BRD4: variants seen among roughly 807,000 people sequenced by gnomAD.
BRD4 encodes the protein bromodomain-containing protein 4.
In BRD4, 16 loss-of-function variants were observed where a neutral mutation model predicts 142.1. The observed-to-expected ratio is 0.11, with a 90% CI of 0.08 to 0.17. The LOEUF is 0.17. Among genes scored for constraint, BRD4 ranks in the 10% least tolerant of loss-of-function variants. The pLI is 1.00. For synonymous variants in BRD4, 833 were observed against 707.5 expected (o/e 1.18, Z -2.82); for missense variants, 1,424 against 1,810.9 (o/e 0.79, Z 3.88).
chr19:15,318,177 C>T (rs1312939707), intron 1 of BRD4, among the ~76,000 whole-genome samples: 1 of 152,002 alleles, frequency 6.6e-6, no homozygotes, highest in East Asian at 1.9e-4. Flanking sequence ...AGTAAGACTG[C>T]AATTCAACTG....
intron 1 of BRD4, among the ~76,000 whole-genome samples, chr19:15,282,431 C>T (rs1257170607): frequency 6.6e-6 from 1 of 152,178 alleles, no homozygotes; most frequent in Admixed American, 6.5e-5. Context: ...TGGATGACAA[C>T]ACCTACTTAC....
intron 11 of BRD4, chr19:15,253,794 T>C: frequency 6.3e-7 from 1 of 1,593,158 alleles, no homozygotes; most frequent in Non-Finnish European, 8.5e-7. Flanking sequence ...CTGGGTGTGG[T>C]CACATCAAGG....
At chr19:15,279,340 GAT>G (rs1043472593) in intron 1 of BRD4, among the ~76,000 whole-genome samples, 30 of 152,206 alleles carry the variant, frequency 2.0e-4, no homozygotes, top group African/African-American at 7.2e-4. Flanking sequence ...TCTAACAAAA[GAT>G]ATAGAAAACA....
chr19:15,245,316 C>A (rs533071518), intron 11 of BRD4, among the ~76,000 whole-genome samples: 32 of 151,980 alleles, frequency 2.1e-4, no homozygotes, highest in Non-Finnish European at 3.7e-4. Context: ...AGAGGCTCAG[C>A]TGGGGCTGAG....
rs945420815 is a variant in BRD4, at chr19:15,237,249, G to A, written c.*1128C>T. On this transcript the variant is annotated 3_prime_UTR_variant, in exon 20 of 20. Transcript: ENST00000679869. ...ACAAAAAAGCCAACAAATGGGTGGG[G>A]GGGGGGGGGGTGGAGGGGAAAGAAA... 1.6e-5 allele frequency: 2 copies of A among 121,414 alleles called. No individual in the cohort carries two copies. Among genetic ancestry groups the A allele is most frequent in the African/African-American group, 3.5e-5 (1 of 28,270 alleles). 7.5% of individuals were successfully genotyped at this position (121,414 alleles called of 1,614,324 possible). A position where few individuals can be genotyped will look rare whatever the true frequency, so the allele number is the denominator to read the frequency against.
intron 4 of BRD4, among the ~76,000 whole-genome samples, chr19:15,266,869 G>A (rs950999272): frequency 6.6e-5 from 10 of 152,156 alleles, no homozygotes; most frequent in Non-Finnish European, 4.4e-5. Flanking sequence ...TTCCTAGAGT[G>A]GGCAGCTCTG....
intron 5 of BRD4, 56 bp from the exon 6 acceptor site, chr19:15,264,822 GC>G: frequency 1.3e-6 from 2 of 1,551,668 alleles, no homozygotes; most frequent in Middle Eastern, 2.4e-4. Flanking sequence ...CGGCACAGCT[GC>G]CCTCAGGGTC....
intron 1 of BRD4, among the ~76,000 whole-genome samples, chr19:15,285,351 C>G (rs1343342154): frequency 6.6e-6 from 1 of 152,224 alleles, no homozygotes; most frequent in Non-Finnish European, 1.5e-5. Flanking sequence ...TCAGGCCCAG[C>G]CTGGGCAACA....
chr19:15,262,553 AAG>A (rs2047484616), intron 7 of BRD4, among the ~76,000 whole-genome samples: 1 of 148,546 alleles, frequency 6.7e-6, no homozygotes, highest in East Asian at 1.9e-4. Flanking sequence ...GAAAAAAAAA[AAG>A]AAAATAAACG....
chr19:15,272,702 C>T, intron 2 of BRD4, 113 bp downstream of exon 2: 1 of 1,016,532 alleles, frequency 9.8e-7, no homozygotes, highest in Non-Finnish European at 1.4e-6. Context: ...CTGCAGCTCT[C>T]ACCATGATTC....
intron 1 of BRD4, among the ~76,000 whole-genome samples, chr19:15,304,819 G>C (rs553958365): frequency 3.3e-5 from 5 of 152,022 alleles, no homozygotes; most frequent in Non-Finnish European, 5.9e-5. Context: ...GAAGAAATCG[G>C]TAATTCATCT....
At chr19:15,326,905 T>C (rs2048113020) in intron 1 of BRD4, among the ~76,000 whole-genome samples, 1 of 152,190 alleles carries the variant, frequency 6.6e-6, no homozygotes, top group Admixed American at 6.5e-5. Flanking sequence ...AACATCACCC[T>C]TTACAATAAA....
At chr19:15,262,094 T>C (rs542794663) in intron 7 of BRD4, among the ~76,000 whole-genome samples, 2 of 152,142 alleles carry the variant, frequency 1.3e-5, no homozygotes, top group East Asian at 3.9e-4. Context: ...GACAGTGCCT[T>C]AGGTCCAGTG....
In BRD4 at chr19:15,239,106, G is replaced by A. The variant is rs201209267; in HGVS notation, c.3735C>T (p.Ala1245=). 82 of 1,608,212 alleles carry A rather than the reference G, an allele frequency of 5.1e-5. No homozygotes were observed. The highest frequency in any genetic ancestry group is 5.0e-4 in the Middle Eastern group (3 of 6,056). ...GCTCCTTCTCCTTCTCAGCGTGCTCGGCCTGAGCCTTCAGGGCCTTCTCAC... is the reference window on the plus strand; with the variant it reads ...GCTCCTTCTCCTTCTCAGCGTGCTCAGCCTGAGCCTTCAGGGCCTTCTCAC... ...EEREKALKAQ[A]EHAEKEKERL... The change falls in exon 18 of 20, where the codon GCC becomes GCT. Residue 1245 remains alanine, a synonymous_variant. Transcript: ENST00000679869. This position sits in a 1 kb window ranked among gnomAD's most constrained non-coding sequence, Gnocchi z 7.4.
At chr19:15,323,720 T>C (rs1369469462) in intron 1 of BRD4, among the ~76,000 whole-genome samples, 1 of 152,090 alleles carries the variant, frequency 6.6e-6, no homozygotes, top group Non-Finnish European at 1.5e-5. Context: ...TGTACCAGTG[T>C]CTCCTGACTA....
At chr19:15,303,443 C>G (rs2047888478) in intron 1 of BRD4, among the ~76,000 whole-genome samples, 1 of 152,040 alleles carries the variant, frequency 6.6e-6, no homozygotes, top group African/African-American at 2.4e-5. Context: ...AACACAGTGC[C>G]AAATTCAAAA....
intron 1 of BRD4, among the ~76,000 whole-genome samples, chr19:15,317,434 C>A (rs1406780016): frequency 6.6e-6 from 1 of 152,128 alleles, no homozygotes; most frequent in Non-Finnish European, 1.5e-5. Flanking sequence ...TTAAAACAGG[C>A]ATGCAGTAAG....
intron 6 of BRD4, 173 bp downstream of exon 6, chr19:15,264,231 C>T (rs1055052413): frequency 1.7e-5 from 14 of 812,378 alleles, no homozygotes; most frequent in Admixed American, 6.0e-5. Context: ...TCTCAGAGCA[C>T]GTCCCACAGC....
intron 1 of BRD4, among the ~76,000 whole-genome samples, chr19:15,278,543 C>CAAAAAAAAAAA: frequency 1.3e-5 from 1 of 74,890 alleles, no homozygotes; most frequent in Non-Finnish European, 2.4e-5. Flanking sequence ...CAACCCCCGC[C>CAAAAAAAAAAA]AAAAAAAAAA....
Sources: allele counts gnomAD v4.1 joint callset (sites outside exome capture counted in the v4.1 genomes callset), GRCh38; gene constraint gnomAD v4.1.1; non-coding constraint Gnocchi (gnomAD v3.1); transcripts MANE v1.5; gene names NCBI Gene and HGNC (gene_info 2026-07-23, HGNC 2026-07-21).